The following DGKB variants were observed in gnomAD, a reference collection of about 807,000 sequenced individuals.
DGKB encodes diacylglycerol kinase beta.
Under a neutral mutation model 114.3 loss-of-function variants are expected in DGKB, and 67 were observed. The ratio of observed to expected loss-of-function variants is 0.59; its 90% CI spans 0.48 to 0.72. The LOEUF is 0.72. Among genes scored for constraint, DGKB ranks in the 30% least tolerant of loss-of-function variants. The pLI is 0.00. For synonymous variants in DGKB, 398 were observed against 323.1 expected, an observed-to-expected ratio of 1.23 and a Z score of -2.49; for missense variants, 907 against 975.2, an observed-to-expected ratio of 0.93 and a Z score of 0.93.
intron 5 of DGKB, among the ~76,000 whole-genome samples, chr7:14,730,692 T>C (rs576128492): frequency 2.0e-4 from 31 of 152,256 alleles, no homozygotes; most frequent in African/African-American, 7.0e-4. Context: ...ACTGTGACTC[T>C]GGATCCTGGA....
At chr7:14,455,271 ATGC>A (rs1554444031) in intron 21 of DGKB, among the ~76,000 whole-genome samples, 23 of 152,046 alleles carry the variant, frequency 1.5e-4, no homozygotes, top group Non-Finnish European at 2.2e-4. Flanking sequence ...TGGAATTAAA[ATGC>A]ATTTCATTGG....
At chr7:14,633,980 C>A in intron 13 of DGKB, among the ~76,000 whole-genome samples, 1 of 150,774 alleles carries the variant, frequency 6.6e-6, no homozygotes, top group Admixed American at 6.6e-5. Flanking sequence ...CAATTTAATC[C>A]AAATTGTCAT....
intron 20 of DGKB, among the ~76,000 whole-genome samples, chr7:14,547,372 T>C (rs1794448855): frequency 6.6e-6 from 1 of 152,172 alleles, no homozygotes; most frequent in Non-Finnish European, 1.5e-5. Flanking sequence ...GTAAATGGAA[T>C]AAAATGAAAA....
chr7:14,634,725 T>C (rs1810413526), intron 13 of DGKB, among the ~76,000 whole-genome samples: 1 of 151,612 alleles, frequency 6.6e-6, no homozygotes, highest in African/African-American at 2.4e-5. Context: ...GTAAAGTTGT[T>C]CTCTCAAACA....
At chr7:14,253,780 T>C (rs915181391) in intron 23 of DGKB, among the ~76,000 whole-genome samples, 2 of 152,206 alleles carry the variant, frequency 1.3e-5, no homozygotes, top group Non-Finnish European at 2.9e-5. Flanking sequence ...TCAGACTGCA[T>C]CTATGGGGCT....
chr7:14,823,014 T>C (rs904810027), intron 2 of DGKB, among the ~76,000 whole-genome samples: 5 of 151,988 alleles, frequency 3.3e-5, no homozygotes, highest in Non-Finnish European at 7.4e-5. Context: ...TTACCTATTC[T>C]ATTGTAAATA....
intron 2 of DGKB, among the ~76,000 whole-genome samples, chr7:14,833,856 C>A (rs1475891868): frequency 6.6e-6 from 1 of 152,050 alleles, no homozygotes. Context: ...CAAATTAAAA[C>A]CCCATTCCAC....
At chr7:14,895,985 C>T (rs376329746) in intron 1 of DGKB, among the ~76,000 whole-genome samples, 3 of 151,698 alleles carry the variant, frequency 2.0e-5, no homozygotes, top group Admixed American at 6.6e-5. Flanking sequence ...ATCTTTTCTG[C>T]GTGAAGTTTT....
chr7:14,676,552 CCT>C (rs1819889528), intron 12 of DGKB, among the ~76,000 whole-genome samples: 1 of 151,890 alleles, frequency 6.6e-6, no homozygotes, highest in African/African-American at 2.4e-5. Flanking sequence ...AATGTATATA[CCT>C]ACTAAGTACC....
intron 4 of DGKB, among the ~76,000 whole-genome samples, chr7:14,739,752 A>G (rs1832278730): frequency 6.6e-6 from 1 of 151,924 alleles, no homozygotes; most frequent in Non-Finnish European, 1.5e-5. Flanking sequence ...CCCTTGCGTC[A>G]CTCTTGGGTT....
intron 14 of DGKB, among the ~76,000 whole-genome samples, chr7:14,622,014 T>A (rs1347084905): frequency 6.6e-6 from 1 of 152,098 alleles, no homozygotes; most frequent in Non-Finnish European, 1.5e-5. Flanking sequence ...AAATTTCTTT[T>A]AGGAGTTGCC....
intron 23 of DGKB, among the ~76,000 whole-genome samples, chr7:14,291,415 T>G (rs996874414): frequency 5.9e-5 from 9 of 152,174 alleles, no homozygotes; most frequent in African/African-American, 2.2e-4. Context: ...AGAATTTTAT[T>G]TATGCTTTAA....
chr7:14,356,768 A>G (rs6970393), intron 21 of DGKB, among the ~76,000 whole-genome samples: 10,995 of 152,196 alleles, frequency 0.072, 631 homozygotes, highest in African/African-American at 0.15. Flanking sequence ...ACACTGCTTT[A>G]AATGTGTCCC....
At chr7:14,231,230 C>T (rs1425490733) in intron 23 of DGKB, among the ~76,000 whole-genome samples, 2 of 151,506 alleles carry the variant, frequency 1.3e-5, no homozygotes, top group Non-Finnish European at 2.9e-5. Flanking sequence ...AACTTCTGGG[C>T]TTAAGCAATC....
intron 23 of DGKB, among the ~76,000 whole-genome samples, chr7:14,305,298 C>T (rs954658079): frequency 6.6e-6 from 1 of 152,146 alleles, no homozygotes; most frequent in African/African-American, 2.4e-5. Context: ...ATATACTTCT[C>T]AGCCTTTGGT....
intron 12 of DGKB, among the ~76,000 whole-genome samples, chr7:14,676,622 C>T (rs1819905317): frequency 6.6e-6 from 1 of 151,950 alleles, no homozygotes. Context: ...TAGAAAGTTG[C>T]TTAAACTTAT....
At chr7:14,806,756 C>A (rs1057295867) in intron 2 of DGKB, among the ~76,000 whole-genome samples, 3 of 151,630 alleles carry the variant, frequency 2.0e-5, no homozygotes, top group African/African-American at 7.3e-5. Flanking sequence ...TTCCTGATAA[C>A]ATATAAATTT....
intron 5 of DGKB, among the ~76,000 whole-genome samples, chr7:14,728,731 T>C (rs1830390087): frequency 6.8e-6 from 1 of 147,388 alleles, no homozygotes; most frequent in Non-Finnish European, 1.5e-5. Context: ...TGAGATGGAG[T>C]CTCGCTCTGT....
intron 12 of DGKB, among the ~76,000 whole-genome samples, chr7:14,681,898 G>A (rs770960465): frequency 5.9e-5 from 9 of 152,016 alleles, no homozygotes; most frequent in Non-Finnish European, 1.0e-4. Context: ...ATTTACATCA[G>A]TCTCTCTTAT....
Sources: allele counts gnomAD v4.1 joint callset (sites outside exome capture counted in the v4.1 genomes callset), GRCh38; gene constraint gnomAD v4.1.1; transcripts MANE v1.5; gene names NCBI Gene and HGNC (gene_info 2026-07-23, HGNC 2026-07-21).